Variants in RTTN observed in about 807,000 individuals in gnomAD.
The protein encoded by RTTN is rotatin.
RTTN carries 182 observed loss-of-function variants against 269.2 expected under a neutral mutation model. The ratio of observed to expected loss-of-function variants is 0.68; its 90% CI spans 0.60 to 0.76. RTTN has a LOEUF of 0.76. Ranked by LOEUF, RTTN falls within the 30% of genes least tolerant of loss-of-function variation. The probability of loss-of-function intolerance (pLI) is 0.00; values close to 1 mark genes in which losing one functional copy is unlikely to be tolerated. For synonymous variants in RTTN, 1,006 were observed against 963.5 expected (o/e 1.04, Z -0.82); for missense variants, 2,545 against 2,608.6 (o/e 0.98, Z 0.53).
At chr18:70,031,161 A>C (rs769145222) in intron 40 of RTTN, 180 bp from the exon 41 acceptor site, 35 of 557,830 alleles carry the variant, frequency 6.3e-5, no homozygotes, top group Admixed American at 1.1e-4. Context: ...AGACTGTATA[A>C]GTTGCTTATA....
chr18:70,065,811 T>C lies in RTTN; in HGVS notation c.4747+18A>G, dbSNP rs1368313103. The C allele has an allele frequency of 1.3e-6, 2 of 1,520,882 alleles. No homozygotes were observed. The highest frequency in any genetic ancestry group is 2.3e-5 in the East Asian group (1 of 43,844). 94.2% of individuals were successfully genotyped at this position (1,520,882 alleles called of 1,614,324 possible). A position where few individuals can be genotyped will look rare whatever the true frequency, so the allele number is the denominator to read the frequency against. On this transcript the variant is annotated intron_variant, in intron 35 of 48. Transcript: ENST00000640769. ...CATTTTTCTTTTTGAAGGTAGAATG[T>C]CTTCACTAAAAGGATACCTTGAGCC...
chr18:70,189,744 T>C (rs1265688991), intron 9 of RTTN, among the ~76,000 whole-genome samples: 1 of 152,164 alleles, frequency 6.6e-6, no homozygotes, highest in Non-Finnish European at 1.5e-5. Flanking sequence ...TGGGTTGATA[T>C]GAAAAATACA....
At chr18:70,187,584 T>C (rs1239023798) in intron 10 of RTTN, among the ~76,000 whole-genome samples, 4 of 152,190 alleles carry the variant, frequency 2.6e-5, no homozygotes, top group African/African-American at 7.2e-5. Context: ...TTTGACTGTA[T>C]ATCCTTAGTG....
At position 70,150,025 on chromosome 18, in the gene RTTN, T is replaced by C. The variant is rs199840279; in HGVS notation, c.2118A>G (p.Ala706=). The part of the protein sequence containing the change: ...YLLQGRLMMT[A]LTWNKFIESL... ...ATTCAATAAACTTGTTCCAGGTCAA[T>C]GCTGTCATCATCAATCGTCCCTGAA... The change falls in exon 16 of 49, where the codon GCA becomes GCG. Residue 706 remains alanine, a synonymous_variant. Coordinates refer to ENST00000640769, the MANE Select transcript of RTTN (RefSeq NM_173630.4). 5.8e-4 allele frequency: 930 copies of C among 1,613,436 alleles called. No individual in the cohort carries two copies. The highest frequency in any genetic ancestry group is 7.4e-4 in the Non-Finnish European group (875 of 1,179,494).
At chr18:70,025,778 T>G (rs1294015547) in intron 43 of RTTN, among the ~76,000 whole-genome samples, 3 of 152,224 alleles carry the variant, frequency 2.0e-5, no homozygotes, top group African/African-American at 7.2e-5. Context: ...ATCTGTATTT[T>G]CATCCATTCA....
intron 32 of RTTN, among the ~76,000 whole-genome samples, chr18:70,076,384 T>C (rs944286754): frequency 6.6e-6 from 1 of 152,066 alleles, no homozygotes; most frequent in East Asian, 1.9e-4. Context: ...GTTCAAAACA[T>C]ATTGCAAGTT....
intron 10 of RTTN, among the ~76,000 whole-genome samples, 176 bp downstream of exon 10, chr18:70,187,932 C>A (rs1004747383): frequency 1.3e-5 from 2 of 152,092 alleles, no homozygotes; most frequent in Admixed American, 6.5e-5. Flanking sequence ...TTAGAAGTAA[C>A]CAGAACCTTT....
At chr18:70,125,307 C>A (rs1036900631) in intron 25 of RTTN, among the ~76,000 whole-genome samples, 1 of 151,898 alleles carries the variant, frequency 6.6e-6, no homozygotes, top group African/African-American at 2.4e-5. Context: ...TTGCTAATAT[C>A]ATTTTTTAGT....
intron 46 of RTTN, among the ~76,000 whole-genome samples, chr18:70,013,380 T>G (rs138482987): frequency 2.6e-5 from 4 of 150,976 alleles, no homozygotes; most frequent in African/African-American, 9.9e-5. Flanking sequence ...TGTGTGTGTA[T>G]GTATATATAC....
At chr18:70,104,878 C>G (rs1161503170) in intron 28 of RTTN, among the ~76,000 whole-genome samples, 2 of 152,160 alleles carry the variant, frequency 1.3e-5, no homozygotes, top group Non-Finnish European at 2.9e-5. Flanking sequence ...AAGAGGGGCA[C>G]CCGGCTGTAT....
In RTTN at chr18:70,020,834, C is replaced by G; in HGVS notation, c.5951-17G>C. ...AACTGCAACCTTCAAAAATAACAGC[C>G]TATCACAATGTCTTCTCAGTTTCCC... On this transcript the variant is annotated splice_polypyrimidine_tract_variant and intron_variant, in intron 44 of 48. Transcript: ENST00000640769. 6.3e-7 allele frequency: 1 copy of G among 1,597,888 alleles called. No individual in the cohort carries two copies.
At position 70,086,520 on chromosome 18, in the gene RTTN, T is replaced by G. The variant is rs2058701879; in HGVS notation, c.4374+93A>C. The G allele has an allele frequency of 3.0e-6, 3 of 1,013,704 alleles. No homozygotes were observed. The East Asian group carries it at 7.2e-5, about 24-fold the overall frequency. The allele number at this position is 1,013,704 out of a possible 1,614,324, so 62.8% of individuals were successfully genotyped here. ...GGCCCTTGCTGTCTTGTATATAGTT[T>G]CATCAATAATGAAATATACTACTTA... On this transcript the variant is annotated intron_variant, in intron 32 of 48. Coordinates refer to ENST00000640769, the MANE Select transcript of RTTN (RefSeq NM_173630.4).
At chr18:70,028,411 T>A (rs2056914410) in intron 43 of RTTN, among the ~76,000 whole-genome samples, 1 of 152,194 alleles carries the variant, frequency 6.6e-6, no homozygotes, top group Non-Finnish European at 1.5e-5. Flanking sequence ...GAAGAGTTGT[T>A]TTGACAACCC....
At chr18:70,082,985 ACCC>A (rs973636433) in intron 32 of RTTN, among the ~76,000 whole-genome samples, 1 of 152,024 alleles carries the variant, frequency 6.6e-6, no homozygotes, top group African/African-American at 2.4e-5. Context: ...GAGCCACCAC[ACCC>A]AGCTGGGATG....
intron 10 of RTTN, among the ~76,000 whole-genome samples, chr18:70,182,540 C>T (rs2146027780): frequency 6.6e-6 from 1 of 152,046 alleles, no homozygotes; most frequent in Admixed American, 6.5e-5. Flanking sequence ...GAAGGAAGAC[C>T]AGACATTAGG....
At chr18:70,069,071 A>G (rs2058226119) in intron 34 of RTTN, among the ~76,000 whole-genome samples, 1 of 152,130 alleles carries the variant, frequency 6.6e-6, no homozygotes, top group African/African-American at 2.4e-5. Context: ...TAAGATGAGT[A>G]TGTTCTGGGG....
chr18:70,026,348 T>C (rs2056852487), intron 43 of RTTN, among the ~76,000 whole-genome samples: 4 of 152,272 alleles, frequency 2.6e-5, no homozygotes, highest in South Asian at 4.1e-4. Flanking sequence ...GGTGTTTATA[T>C]CTTGGGGGCG....
chr18:70,163,346 C>T (rs532523583), intron 14 of RTTN, among the ~76,000 whole-genome samples: 5 of 151,224 alleles, frequency 3.3e-5, no homozygotes, highest in Admixed American at 2.6e-4. Context: ...TGTGCCACTG[C>T]ACTCCAGCCT....
At chr18:70,042,993 G>C (rs905291339) in intron 40 of RTTN, among the ~76,000 whole-genome samples, 17 of 152,194 alleles carry the variant, frequency 1.1e-4, no homozygotes, top group African/African-American at 4.1e-4. Context: ...CCTGGAACCA[G>C]GTGAATGGAT....
Sources: gnomAD v4.1 joint callset for allele counts (sites outside exome capture counted in the v4.1 genomes callset) on GRCh38, gnomAD v4.1.1 for gene constraint, MANE v1.5 for transcripts, NCBI Gene and HGNC (gene_info 2026-07-23, HGNC 2026-07-21) for gene names.